The following ARHGAP32 variants were observed in gnomAD, a reference collection of about 807,000 sequenced individuals.
The protein encoded by ARHGAP32 is Rho GTPase activating protein 32.
A neutral mutation model predicts 186.5 loss-of-function variants in ARHGAP32; 51 were observed. The ratio of observed to expected loss-of-function variants is 0.27; its 90% CI spans 0.22 to 0.35. ARHGAP32 has a LOEUF of 0.35. Among genes scored for constraint, ARHGAP32 ranks in the 10% least tolerant of loss-of-function variants. ARHGAP32 has a pLI of 1.00. For synonymous variants in ARHGAP32, 950 were observed against 964.3 expected, an observed-to-expected ratio of 0.99 and a Z score of 0.27; for missense variants, 2,186 against 2,623.5, an observed-to-expected ratio of 0.83 and a Z score of 3.64.
chr11:129,061,613 C>T (rs1940507243), intron 10 of ARHGAP32, among the ~76,000 whole-genome samples: 1 of 152,160 alleles, frequency 6.6e-6, no homozygotes, highest in African/African-American at 2.4e-5. Flanking sequence ...ACTAATGGGG[C>T]AGGCAGCATC....
At chr11:129,024,030 G>C in intron 11 of ARHGAP32, 1 of 985,418 alleles carries the variant, frequency 1.0e-6, no homozygotes, top group South Asian at 4.7e-5. Context: ...TTCAAGTTAG[G>C]TCCCACATCA....
chr11:129,259,714 T>G (rs1433062767), intron 1 of ARHGAP32, among the ~76,000 whole-genome samples: 1 of 152,146 alleles, frequency 6.6e-6, no homozygotes, highest in Non-Finnish European at 1.5e-5. Flanking sequence ...GCCTTGTCAA[T>G]GCATAAAATG....
intron 1 of ARHGAP32, among the ~76,000 whole-genome samples, chr11:129,169,458 C>T (rs1047481990): frequency 6.6e-6 from 1 of 151,658 alleles, no homozygotes; most frequent in African/African-American, 2.4e-5. Context: ...GGTGAAACCC[C>T]GTCTCTACTA....
intron 1 of ARHGAP32, among the ~76,000 whole-genome samples, chr11:129,190,028 G>A (rs1944241353): frequency 1.3e-5 from 2 of 152,192 alleles, no homozygotes. Context: ...GTGTGTATGT[G>A]AATGGAAATG....
chr11:129,110,403 G>C (rs1182298237), intron 5 of ARHGAP32, among the ~76,000 whole-genome samples: 1 of 152,094 alleles, frequency 6.6e-6, no homozygotes, highest in African/African-American at 2.4e-5. Flanking sequence ...TTTTTGCTAA[G>C]GATTTCATTG....
intron 6 of ARHGAP32, among the ~76,000 whole-genome samples, chr11:129,084,773 C>A (rs1266267951): frequency 6.6e-6 from 1 of 152,134 alleles, no homozygotes; most frequent in Non-Finnish European, 1.5e-5. Flanking sequence ...GTAATCAATT[C>A]TTTTCAAGAT....
At chr11:129,025,549 G>GC (rs1306113289) in intron 11 of ARHGAP32, among the ~76,000 whole-genome samples, 2 of 152,062 alleles carry the variant, frequency 1.3e-5, no homozygotes, top group Non-Finnish European at 2.9e-5. Context: ...AGAAGGCAAA[G>GC]CCACTCTTCT....
intron 1 of ARHGAP32, among the ~76,000 whole-genome samples, chr11:129,198,881 G>A (rs7126219): frequency 0.15 from 23,132 of 152,186 alleles, 2,128 homozygotes; most frequent in African/African-American, 0.25. Context: ...GAACTTCCTA[G>A]AGACTTGTTG....
At chr11:129,203,960 T>A (rs1944487140) in intron 1 of ARHGAP32, among the ~76,000 whole-genome samples, 1 of 147,914 alleles carries the variant, frequency 6.8e-6, no homozygotes, top group Non-Finnish European at 1.5e-5. Flanking sequence ...CATATATAAA[T>A]TATACATATA....
At chr11:129,220,220 G>A (rs936278099) in intron 1 of ARHGAP32, among the ~76,000 whole-genome samples, 1 of 152,098 alleles carries the variant, frequency 6.6e-6, no homozygotes, top group Admixed American at 6.6e-5. Flanking sequence ...CCTTCAGTAT[G>A]TTTATTCACC....
intron 10 of ARHGAP32, among the ~76,000 whole-genome samples, chr11:129,045,290 A>G (rs1249995682): frequency 1.3e-5 from 2 of 152,204 alleles, no homozygotes; most frequent in East Asian, 3.8e-4. Context: ...TCACTTGACC[A>G]TAAGTGAAAA....
chr11:129,196,034 G>A (rs1190801290), upstream of ARHGAP32, among the ~76,000 whole-genome samples: 2 of 152,186 alleles, frequency 1.3e-5, no homozygotes, highest in African/African-American at 2.4e-5. Flanking sequence ...CAGTAATTTC[G>A]AACTAGCTGG....
chr11:129,151,656 A>C (rs1411476555), intron 2 of ARHGAP32, among the ~76,000 whole-genome samples: 2 of 152,190 alleles, frequency 1.3e-5, no homozygotes, highest in African/African-American at 4.8e-5. Flanking sequence ...GAAATTTAAA[A>C]ATTCTTTGAG....
At chr11:129,173,012 T>G (rs1255517813) in intron 1 of ARHGAP32, among the ~76,000 whole-genome samples, 2 of 140,556 alleles carry the variant, frequency 1.4e-5, no homozygotes, top group Non-Finnish European at 3.1e-5. Context: ...AATCAACAAA[T>G]CCAGGGGCTG....
chr11:129,065,991 A>G (rs1940674423), intron 7 of ARHGAP32, among the ~76,000 whole-genome samples: 1 of 152,124 alleles, frequency 6.6e-6, no homozygotes, highest in Non-Finnish European at 1.5e-5. Context: ...ATTAATTTAA[A>G]TGATCCTATA....
chr11:129,034,836 A>G (rs568654212), intron 11 of ARHGAP32, among the ~76,000 whole-genome samples: 4 of 132,288 alleles, frequency 3.0e-5, no homozygotes, highest in Non-Finnish European at 6.4e-5. Flanking sequence ...GAAAAAGAAG[A>G]AAAAGAAAAC....
At chr11:129,172,428 ATG>A (rs1260993072) in intron 1 of ARHGAP32, among the ~76,000 whole-genome samples, 2 of 152,192 alleles carry the variant, frequency 1.3e-5, no homozygotes, top group Non-Finnish European at 2.9e-5. Context: ...TGAGATAATC[ATG>A]TGGTTTTGTC....
intron 6 of ARHGAP32, among the ~76,000 whole-genome samples, chr11:129,089,965 G>A (rs1030079012): frequency 1.3e-5 from 2 of 152,164 alleles, no homozygotes; most frequent in African/African-American, 4.8e-5. Context: ...GAAGTTCAAT[G>A]AAAAGAGAGA....
At chr11:129,236,137 A>C (rs1246788335) in intron 1 of ARHGAP32, among the ~76,000 whole-genome samples, 1 of 152,150 alleles carries the variant, frequency 6.6e-6, no homozygotes, top group African/African-American at 2.4e-5. Context: ...TTCTTTAAGG[A>C]ATCTCCACAC....
Sources: gnomAD v4.1 joint callset for allele counts (sites outside exome capture counted in the v4.1 genomes callset) on GRCh38, gnomAD v4.1.1 for gene constraint, MANE v1.5 for transcripts, NCBI Gene and HGNC (gene_info 2026-07-23, HGNC 2026-07-21) for gene names.